The following FRMPD4 variants were observed in gnomAD, a reference collection of about 807,000 sequenced individuals.
FRMPD4 encodes FERM and PDZ domain containing 4, also known as FERM and PDZ domain-containing protein 4.
In FRMPD4, 22 loss-of-function variants were observed where a neutral mutation model predicts 94.1. That is an observed-to-expected ratio of 0.23 (90% CI 0.17 to 0.33). The LOEUF (loss-of-function observed/expected upper bound fraction) is 0.33, where lower values mean the gene tolerates loss of function less well. FRMPD4 is among the 10% of genes least tolerant of loss of function. The probability of loss-of-function intolerance (pLI) is 1.00; values close to 1 mark genes in which losing one functional copy is unlikely to be tolerated. For missense variants in FRMPD4, 1,111 were observed against 1,339.9 expected (o/e 0.83, Z 2.67); for synonymous variants, 631 against 548.6 (o/e 1.15, Z -2.10).
chrX:12,706,429 G>A (rs762860604), intron 11 of FRMPD4, among the ~76,000 whole-genome samples: 71 of 111,537 alleles, frequency 6.4e-4, no homozygotes, highest in African/African-American at 2.2e-3. Flanking sequence ...AGTCTCTTGT[G>A]CAATGGGAAT....
chrX:11,891,287 C>T (rs1338957896), intron 3 of FRMPD4, among the ~76,000 whole-genome samples: 1 of 112,474 alleles, frequency 8.9e-6, no homozygotes, highest in Non-Finnish European at 1.9e-5. Context: ...TGGACTCCCT[C>T]TCCTGGGAGA....
chrX:12,621,111 T>C (rs936113460), intron 4 of FRMPD4, among the ~76,000 whole-genome samples: 1 of 111,413 alleles, frequency 9.0e-6, no homozygotes, highest in Non-Finnish European at 1.9e-5. Context: ...GTGACTGTAG[T>C]CCCAGCTACG....
At chrX:12,145,270 G>A (rs1026530125) in intron 1 of FRMPD4, among the ~76,000 whole-genome samples, 3 of 112,152 alleles carry the variant, frequency 2.7e-5, no homozygotes, top group African/African-American at 6.5e-5. Flanking sequence ...GGGAGAACAC[G>A]CGGCCATCTG....
At chrX:12,401,182 C>T (rs1451057757) in intron 1 of FRMPD4, among the ~76,000 whole-genome samples, 1 of 111,513 alleles carries the variant, frequency 9.0e-6, no homozygotes, top group African/African-American at 3.3e-5. Context: ...ATTCCTACCT[C>T]AGGGTGAATA....
chrX:12,314,344 G>A lies in FRMPD4; in HGVS notation c.41+175332G>A, dbSNP rs1219561841. Among the ~76,000 whole-genome samples the A allele has an allele frequency of 3.6e-5, 4 of 111,841 alleles. No individual in the cohort carries two copies. The East Asian group carries it at 8.4e-4, about 24-fold the overall frequency. On this transcript the variant is annotated intron_variant, in intron 1 of 16. Coordinates refer to ENST00000675598, the MANE Select transcript of FRMPD4 (RefSeq NM_001368397.1). ...AAGCCAGTTTGGAGTTATGAAGCGG[G>A]CTTCCTGAAGGAAGTGGGCCTAAAT...
At chrX:12,159,641 A>G (rs1043906288) in intron 1 of FRMPD4, among the ~76,000 whole-genome samples, 3 of 112,163 alleles carry the variant, frequency 2.7e-5, no homozygotes, top group Non-Finnish European at 3.8e-5. Flanking sequence ...AAGATTTGGA[A>G]GATAGATATA....
chrX:12,640,071 G>A (rs1350472408), intron 4 of FRMPD4, among the ~76,000 whole-genome samples: 1 of 110,733 alleles, frequency 9.0e-6, no homozygotes, highest in Non-Finnish European at 1.9e-5. Flanking sequence ...GGCCAAGGCG[G>A]GTGGATATCC....
intron 3 of FRMPD4, among the ~76,000 whole-genome samples, chrX:12,087,082 G>A (rs1187358688): frequency 9.0e-6 from 1 of 111,336 alleles, no homozygotes; most frequent in African/African-American, 3.3e-5. Context: ...CCAACCTGCT[G>A]AGATAGAGTC....
At chrX:12,097,129 T>C (rs914857464) in intron 3 of FRMPD4, among the ~76,000 whole-genome samples, 1 of 112,119 alleles carries the variant, frequency 8.9e-6, no homozygotes, top group Non-Finnish European at 1.9e-5. Context: ...AATAACTAAA[T>C]TGATTTGTGA....
chrX:12,236,735 G>T (rs144874203), intron 1 of FRMPD4, among the ~76,000 whole-genome samples: 1 of 111,892 alleles, frequency 8.9e-6, no homozygotes, highest in South Asian at 3.7e-4. Context: ...TATCTTGTTC[G>T]TGACTTAGGA....
intron 13 of FRMPD4, among the ~76,000 whole-genome samples, chrX:12,709,493 AAG>A (rs947184703): frequency 9.8e-5 from 11 of 111,728 alleles, no homozygotes; most frequent in South Asian, 3.8e-4. Flanking sequence ...TTATTGTTTC[AAG>A]AGAGTTTTAG....
At chrX:12,264,223 C>T (rs969080967) in intron 1 of FRMPD4, among the ~76,000 whole-genome samples, 1 of 111,813 alleles carries the variant, frequency 8.9e-6, no homozygotes, top group Non-Finnish European at 1.9e-5. Context: ...AAACTAAGGC[C>T]TAATGATGTG....
rs2042270477 is a variant in FRMPD4, at chrX:12,723,133, G to C, written c.*1275G>C. The C allele has an allele frequency of 9.1e-6, 1 of 110,053 alleles. No individual in the cohort carries two copies. The highest frequency in any genetic ancestry group is 9.7e-5 in the Admixed American group (1 of 10,339). 9.1% of individuals were successfully genotyped at this position (110,053 alleles called of 1,213,427 possible). On this transcript the variant is annotated 3_prime_UTR_variant, in exon 17 of 17. Coordinates refer to ENST00000675598, the MANE Select transcript of FRMPD4 (RefSeq NM_001368397.1). ...AAAATATGAAATCTGAAAAAAAAAA[G>C]AAAGAAATGGAAGTGGTATATTTGA...
intron 1 of FRMPD4, among the ~76,000 whole-genome samples, chrX:12,451,825 TAC>T (rs1569281402): frequency 9.1e-6 from 1 of 109,660 alleles, no homozygotes; most frequent in African/African-American, 3.3e-5. Flanking sequence ...GCATATTAAA[TAC>T]ATTTTCCTTT....
At chrX:11,915,043 CA>C (rs771537114) in intron 3 of FRMPD4, among the ~76,000 whole-genome samples, 2 of 111,013 alleles carry the variant, frequency 1.8e-5, no homozygotes, top group East Asian at 2.8e-4. Context: ...TCTAGCAATG[CA>C]AAAAAAAGAG....
intron 1 of FRMPD4, among the ~76,000 whole-genome samples, chrX:12,396,631 A>G (rs2056545446): frequency 8.9e-6 from 1 of 112,108 alleles, no homozygotes; most frequent in South Asian, 3.7e-4. Context: ...TGGATCAAAA[A>G]CTTATAAACA....
At chrX:12,367,322 A>T (rs1180778756) in intron 1 of FRMPD4, among the ~76,000 whole-genome samples, 2 of 111,887 alleles carry the variant, frequency 1.8e-5, no homozygotes, top group Admixed American at 1.9e-4. Context: ...CCCCTTCCCG[A>T]TCCCATTCCG....
In FRMPD4 at chrX:12,609,876, C is replaced by T; in HGVS notation, c.314C>T (p.Thr105Ile). 8.3e-7 allele frequency: 1 copy of T among 1,208,303 alleles called. No individual in the cohort carries two copies. Among genetic ancestry groups the T allele is most frequent in the African/African-American group, 1.7e-5 (1 of 57,714 alleles). The change falls in exon 3 of 17, where the codon ACA becomes ATA. Residue 105 changes from threonine to isoleucine, a missense_variant. Thr to Ile is a moderately conservative substitution (Grantham distance 89, BLOSUM62 -1). Coordinates refer to ENST00000675598, the MANE Select transcript of FRMPD4 (RefSeq NM_001368397.1). ...SEKPVVVRSV[T>I]PGGPSEGKLI... ...AAGCCAGTGGTCGTTCGCTCAGTAACACCAGGTAAGCACCCAATCCCAGTT... is the reference window on the plus strand; with the variant it reads ...AAGCCAGTGGTCGTTCGCTCAGTAATACCAGGTAAGCACCCAATCCCAGTT...
At chrX:12,419,480 A>G (rs1249523140) in intron 1 of FRMPD4, among the ~76,000 whole-genome samples, 1 of 112,282 alleles carries the variant, frequency 8.9e-6, no homozygotes, top group African/African-American at 3.3e-5. Context: ...AAATACATAA[A>G]AAATATTTCA....
Sources: allele counts gnomAD v4.1 joint callset (sites outside exome capture counted in the v4.1 genomes callset), GRCh38; gene constraint gnomAD v4.1.1; transcripts MANE v1.5; gene names NCBI Gene and HGNC (gene_info 2026-07-23, HGNC 2026-07-21).